CNBP: variants seen among roughly 807,000 people sequenced by gnomAD.
CNBP encodes cellular nucleic acid-binding protein.
Under a neutral mutation model 21.2 loss-of-function variants are expected in CNBP, and 6 were observed. That is an observed-to-expected ratio of 0.28 (90% CI 0.16 to 0.56). CNBP has a LOEUF of 0.56. CNBP is among the 20% of genes least tolerant of loss of function. The probability of loss-of-function intolerance (pLI) is 0.93; values close to 1 mark genes in which losing one functional copy is unlikely to be tolerated. For missense variants in CNBP, 112 were observed against 233.1 expected (o/e 0.48, Z 3.38); for synonymous variants, 61 against 74.9 (o/e 0.81, Z 0.96).
At position 129,172,624 on chromosome 3, in the gene CNBP, CCAGGCAGG is replaced by C. The variant is rs869112917; in HGVS notation, c.-14-861_-14-854del. Reference sequence around the variant, plus strand: ...GGCAGGCAGACAGGCAGACAGGCAGCCAGGCAGGCAGGCAGGCAGGCAGGCAGGCAGGC... The same window carrying C: ...GGCAGGCAGACAGGCAGACAGGCAGCCAGGCAGGCAGGCAGGCAGGCAGGC... On this transcript the variant is annotated intron_variant, in intron 1 of 4. Coordinates refer to ENST00000422453, the MANE Select transcript of CNBP (RefSeq NM_003418.5). 4.4e-3 allele frequency among the ~76,000 whole-genome samples: 248 copies of C among 55,922 alleles called. 3 individuals are homozygous for C. Among genetic ancestry groups the C allele is most frequent in the African/African-American group, 4.7e-3 (100 of 21,318 alleles). The allele number at this position is 55,922 out of a possible 152,430, so 36.7% of individuals were successfully genotyped here. A position where few individuals can be genotyped will look rare whatever the true frequency, so the allele number is the denominator to read the frequency against.
intron 1 of CNBP, among the ~76,000 whole-genome samples, chr3:129,179,348 C>G (rs1315449557): frequency 1.3e-5 from 2 of 152,090 alleles, no homozygotes; most frequent in Non-Finnish European, 2.9e-5. Flanking sequence ...TGCATTCCAG[C>G]CAGAATAATG....
Position 129,183,083 on chromosome 3 carries a change from T to C in CNBP, c.-15+693A>G, listed in dbSNP as rs1938425596. 1.3e-5 allele frequency among the ~76,000 whole-genome samples: 2 copies of C among 152,078 alleles called. 1 individual carries two copies. Among genetic ancestry groups the C allele is most frequent in the South Asian group, 4.1e-4 (2 of 4,830 alleles). On this transcript the variant is annotated intron_variant, in intron 1 of 4. Transcript: ENST00000422453. ...TCTCCTGTCCAGCCTCCCGAGCTGC[T>C]GGGACTACATGCGCCCGCCACCATG...
chr3:129,173,679 T>C (rs1014964960), intron 1 of CNBP, among the ~76,000 whole-genome samples: 2 of 152,158 alleles, frequency 1.3e-5, no homozygotes, highest in Non-Finnish European at 2.9e-5. Context: ...TGAAATGGAA[T>C]AGAACATAAT....
At chr3:129,172,578 A>G (rs1937603323) in intron 1 of CNBP, among the ~76,000 whole-genome samples, 2 of 14,770 alleles carry the variant, frequency 1.4e-4, no homozygotes, top group Admixed American at 1.3e-3. Context: ...TGAGACAGAC[A>G]GGCAGGCAGG....
In CNBP at chr3:129,174,367, A is replaced by AAAC. The variant is rs1348013954; in HGVS notation, c.-14-2597_-14-2596insGTT. ...TCAGAATTAAAAAAAAAAAAAAAAA[A>AAAC]AAAAAAACGAATGGCGGGCAGGGCA... On this transcript the variant is annotated intron_variant, in intron 1 of 4. Coordinates refer to ENST00000422453, the MANE Select transcript of CNBP (RefSeq NM_003418.5). Among the ~76,000 whole-genome samples the AAAC allele has an allele frequency of 1.1e-4, 16 of 149,580 alleles. 1 individual carries two copies. The highest frequency in any genetic ancestry group is 3.9e-4 in the East Asian group (2 of 5,144).
intron 4 of CNBP, 57 bp downstream of exon 4, chr3:129,171,022 C>G (rs577351040): frequency 1.3e-6 from 2 of 1,532,536 alleles, no homozygotes; most frequent in Non-Finnish European, 1.8e-6. Flanking sequence ...ATAGCTAATT[C>G]ATCTCTGGAA....
At chr3:129,179,843 T>TA (rs1271577006) in intron 1 of CNBP, among the ~76,000 whole-genome samples, 3 of 151,652 alleles carry the variant, frequency 2.0e-5, no homozygotes, top group Admixed American at 6.6e-5. Context: ...CAAAAAAAAC[T>TA]AAAAAAACAA....
intron 3 of CNBP, 41 bp from the exon 4 acceptor site, chr3:129,171,318 C>G: frequency 1.2e-6 from 2 of 1,611,402 alleles, no homozygotes; most frequent in Non-Finnish European, 1.7e-6. Flanking sequence ...GACTATAAAA[C>G]CTTTACAAAG....
intron 1 of CNBP, among the ~76,000 whole-genome samples, chr3:129,179,858 T>C (rs1001847028): frequency 6.6e-6 from 1 of 151,968 alleles, no homozygotes; most frequent in Non-Finnish European, 1.5e-5. Flanking sequence ...AAACAAAAAT[T>C]AGCCGGGCGT....
chr3:129,168,153 C>T lies in CNBP; in HGVS notation c.*2300G>A, dbSNP rs145251732. Among the ~76,000 whole-genome samples the T allele has an allele frequency of 1.3e-3, 202 of 152,140 alleles. No individual in the cohort carries two copies. The highest frequency in any genetic ancestry group is 4.6e-3 in the African/African-American group (190 of 41,520). ...ATATGATGCTAACCGCATTTAATTT[C>T]GAAGTGGGGGGAAACAGGGCATGGG... On this transcript the variant is annotated 3_prime_UTR_variant, in exon 5 of 5. Coordinates refer to ENST00000422453, the MANE Select transcript of CNBP (RefSeq NM_003418.5).
At chr3:129,174,960 G>A (rs906817353) in intron 1 of CNBP, among the ~76,000 whole-genome samples, 2 of 152,112 alleles carry the variant, frequency 1.3e-5, no homozygotes, top group South Asian at 2.1e-4. Flanking sequence ...ACTTTGGGAC[G>A]CCAAGGCAGG....
At chr3:129,177,224 G>A (rs1300961520) in intron 1 of CNBP, among the ~76,000 whole-genome samples, 9 of 152,126 alleles carry the variant, frequency 5.9e-5, no homozygotes, top group Admixed American at 5.2e-4. Flanking sequence ...ACTAATATAA[G>A]GCACCACTTA....
At chr3:129,176,200 CTG>C (rs1375459418) in intron 1 of CNBP, among the ~76,000 whole-genome samples, 1 of 152,134 alleles carries the variant, frequency 6.6e-6, no homozygotes, top group Non-Finnish European at 1.5e-5. Flanking sequence ...GTCTCATTGC[CTG>C]TGACTGCTCC....
At chr3:129,174,484 G>A (rs1212115589) in intron 1 of CNBP, among the ~76,000 whole-genome samples, 1 of 150,610 alleles carries the variant, frequency 6.6e-6, no homozygotes, top group African/African-American at 2.4e-5. Context: ...TCACCAAGAA[G>A]GAGAAACCCC....
At chr3:129,180,692 G>A (rs1219917671) in intron 1 of CNBP, among the ~76,000 whole-genome samples, 2 of 152,098 alleles carry the variant, frequency 1.3e-5, no homozygotes, top group Non-Finnish European at 1.5e-5. Context: ...AGCAGGCCAG[G>A]ATGCCTTGGC....
intron 1 of CNBP, among the ~76,000 whole-genome samples, chr3:129,174,973 G>A (rs1937801670): frequency 6.6e-6 from 1 of 152,124 alleles, no homozygotes; most frequent in African/African-American, 2.4e-5. Flanking sequence ...AAGGCAGGAG[G>A]ATCACCTGAG....
chr3:129,171,656 T>A lies in CNBP; in HGVS notation c.102A>T (p.Arg34Ser). The A allele has an allele frequency of 6.2e-7, 1 of 1,614,218 alleles. No homozygotes were observed. Residue 34 changes from arginine (R) to serine (S), a missense_variant, in exon 2 of 5, where the codon AGA (arginine) becomes AGT (serine). By Grantham distance (110) the Arg-to-Ser change is moderately radical. Coordinates refer to ENST00000422453, the MANE Select transcript of CNBP (RefSeq NM_003418.5). ...GRGRGMRSRG[R>S]GGFTSDRGFQ... ...TACCTCTATCCGAGGTAAAACCACC[T>A]CTGCCACGGCTTCTCATTCCACGAC...
intron 1 of CNBP, among the ~76,000 whole-genome samples, chr3:129,174,363 A>AACAAAAC (rs1468544711): frequency 3.4e-5 from 5 of 148,046 alleles, no homozygotes; most frequent in African/African-American, 1.2e-4. Context: ...AAAAAAAAAA[A>AACAAAAC]AAAAAAAAAA....
At chr3:129,176,214 G>T (rs1456598811) in intron 1 of CNBP, among the ~76,000 whole-genome samples, 8 of 152,116 alleles carry the variant, frequency 5.3e-5, no homozygotes, top group Non-Finnish European at 1.0e-4. Flanking sequence ...GACTGCTCCT[G>T]GCTGGAATTT....
Sources: gnomAD v4.1 joint callset for allele counts (sites outside exome capture counted in the v4.1 genomes callset) on GRCh38, gnomAD v4.1.1 for gene constraint, MANE v1.5 for transcripts, NCBI Gene and HGNC (gene_info 2026-07-23, HGNC 2026-07-21) for gene names.